The following RBMS1 variants were observed in gnomAD, a reference collection of about 807,000 sequenced individuals.
The protein encoded by RBMS1 is RNA-binding motif, single-stranded-interacting protein 1.
RBMS1 carries 17 observed loss-of-function variants against 62.3 expected under a neutral mutation model. The observed-to-expected ratio is 0.27, with a 90% confidence interval of 0.19 to 0.41. RBMS1 has a LOEUF of 0.41. RBMS1 is among the 10% of genes least tolerant of loss of function. RBMS1 has a pLI of 1.00. For missense variants in RBMS1, 334 were observed against 504.5 expected, an observed-to-expected ratio of 0.66 and a Z score of 3.24; for synonymous variants, 172 against 170.0, an observed-to-expected ratio of 1.01 and a Z score of -0.09.
intron 10 of RBMS1, among the ~76,000 whole-genome samples, chr2:160,280,821 A>C (rs1188108378): frequency 6.6e-6 from 1 of 152,222 alleles, no homozygotes; most frequent in Non-Finnish European, 1.5e-5. Context: ...TCAATTTAAA[A>C]AAATGTAATA....
rs71297446 is a variant in RBMS1 at position 160,311,224 on chromosome 2, C to CCATATATATATATATATATA, written c.402+1931_402+1932insTATATATATATATATATATG. The stretch of plus-strand genomic sequence containing the variant: ...AAAAAAAAAAAATCTATCTATCTAT[C>CCATATATATATATATATATA]TATCTATCTATATATATATATATAT... On this transcript the variant is annotated intron_variant, in intron 4 of 13. Transcript: ENST00000348849. 1.4e-3 allele frequency among the ~76,000 whole-genome samples: 77 copies of CCATATATATATATATATATA among 56,530 alleles called. 1 individual carries two copies. Among genetic ancestry groups the CCATATATATATATATATATA allele is most frequent in the Middle Eastern group, 8.9e-3 (1 of 112 alleles). 37.1% of individuals were successfully genotyped at this position (56,530 alleles called of 152,430 possible). A position where few individuals can be genotyped will look rare whatever the true frequency, so the allele number is the denominator to read the frequency against.
chr2:160,393,577 A>C (rs769066228), intron 1 of RBMS1, among the ~76,000 whole-genome samples: 1 of 152,150 alleles, frequency 6.6e-6, no homozygotes, highest in Non-Finnish European at 1.5e-5. Context: ...CGGGAGTTTG[A>C]GACCAGCCTG....
In RBMS1 at chr2:160,273,864, C is replaced by T. The variant is rs578115428; in HGVS notation, c.*908G>A. ...TCAAACTATCAGAGGAAACTGTTGG[C>T]GTACAGCCTTACAAACAATTTACCC... is the stretch of plus-strand genomic sequence containing the variant. On this transcript the variant is annotated 3_prime_UTR_variant, in exon 14 of 14. Coordinates refer to ENST00000348849, the MANE Select transcript of RBMS1 (RefSeq NM_016836.4). 2.6e-5 allele frequency: 4 copies of T among 152,302 alleles called. No homozygotes were observed. Among genetic ancestry groups the T allele is most frequent in the South Asian group, 4.1e-4 (2 of 4,828 alleles). 9.4% of individuals were successfully genotyped at this position (152,302 alleles called of 1,614,324 possible).
intron 1 of RBMS1, among the ~76,000 whole-genome samples, chr2:160,457,527 A>G (rs1684291331): frequency 6.6e-6 from 1 of 152,242 alleles, no homozygotes; most frequent in Non-Finnish European, 1.5e-5. Flanking sequence ...ACTGCCATAA[A>G]TGGTGTGGGA....
intron 12 of RBMS1, among the ~76,000 whole-genome samples, chr2:160,276,365 C>CCACCAA (rs1251404377): frequency 4.6e-5 from 7 of 151,340 alleles, no homozygotes; most frequent in African/African-American, 1.7e-4. Flanking sequence ...ACCACCACCA[C>CCACCAA]CACCAACACC....
At chr2:160,407,711 G>T in intron 1 of RBMS1, 1 of 981,470 alleles carries the variant, frequency 1.0e-6, no homozygotes, top group South Asian at 4.6e-5. Context: ...CTTCCCCTCC[G>T]CCTTCGACCT....
rs982983151 is a variant in RBMS1, at chr2:160,286,894, T to C, written c.756+75A>G. On this transcript the variant is annotated intron_variant, in intron 7 of 13. Coordinates refer to ENST00000348849, the MANE Select transcript of RBMS1 (RefSeq NM_016836.4). ...TGTGCAGCCAAGTCAAGATGCCTTT[T>C]TGTGTTACTTTTCATGTGGGCATTC... is the stretch of plus-strand genomic sequence containing the variant. The C allele has an allele frequency of 4.4e-6, 7 of 1,602,830 alleles. No homozygotes were observed. In the African/African-American group the frequency reaches 5.4e-5, roughly 12 times the overall value.
chr2:160,276,987 C>G (rs1687868979), intron 12 of RBMS1, among the ~76,000 whole-genome samples: 1 of 152,166 alleles, frequency 6.6e-6, no homozygotes, highest in South Asian at 2.1e-4. Context: ...AAGGGTTCTT[C>G]CTGCCTCATA....
At chr2:160,316,310 C>T (rs1223273404) in intron 3 of RBMS1, among the ~76,000 whole-genome samples, 3 of 152,164 alleles carry the variant, frequency 2.0e-5, no homozygotes, top group African/African-American at 7.2e-5. Context: ...TCTGTTGACA[C>T]CTATTGCTGG....
intron 6 of RBMS1, among the ~76,000 whole-genome samples, chr2:160,297,583 A>G (rs1362788325): frequency 6.6e-6 from 1 of 152,260 alleles, no homozygotes; most frequent in Admixed American, 6.5e-5. Flanking sequence ...GTTAAGTGCC[A>G]CAGCACACAC....
intron 3 of RBMS1, among the ~76,000 whole-genome samples, chr2:160,315,008 A>G (rs12476401): frequency 0.55 from 84,038 of 152,016 alleles, 23,786 homozygotes; most frequent in Admixed American, 0.66. Flanking sequence ...ACTGATGGAT[A>G]TTTAAGTTTT....
intron 6 of RBMS1, 112 bp from the exon 7 acceptor site, chr2:160,287,196 A>G: frequency 1.4e-6 from 2 of 1,408,902 alleles, no homozygotes; most frequent in Non-Finnish European, 1.9e-6. Flanking sequence ...TTCATACAAC[A>G]CTTTAAGGCA....
intron 1 of RBMS1, among the ~76,000 whole-genome samples, chr2:160,411,627 C>T (rs947145980): frequency 6.6e-6 from 1 of 152,234 alleles, no homozygotes; most frequent in Non-Finnish European, 1.5e-5. Context: ...CCCACTTGTG[C>T]TCTGGGCAAG....
At chr2:160,445,650 G>T (rs1404297701) in intron 1 of RBMS1, among the ~76,000 whole-genome samples, 1 of 152,224 alleles carries the variant, frequency 6.6e-6, no homozygotes, top group Non-Finnish European at 1.5e-5. Context: ...GGCCTTCAGA[G>T]TAGCCACAAT....
chr2:160,448,688 GA>G (rs1683785582), intron 1 of RBMS1, among the ~76,000 whole-genome samples: 2 of 152,220 alleles, frequency 1.3e-5, no homozygotes, highest in Non-Finnish European at 2.9e-5. Context: ...CCAAAGTGCC[GA>G]GATTGCAGCC....
In RBMS1 at chr2:160,353,275, G is replaced by T. The variant is rs563786353; in HGVS notation, c.251+13941C>A. Among the ~76,000 whole-genome samples, 5 of 152,064 alleles carry T rather than the reference G, an allele frequency of 3.3e-5. No individual in the cohort carries two copies. The South Asian group carries it at 1.0e-3, about 32-fold the overall frequency. Reference sequence around the variant, plus strand: ...CATTTTTTTAAAACTACACTTGCTGGACTAGTTCTCTTAAACATGTCAGGA... The same window carrying T: ...CATTTTTTTAAAACTACACTTGCTGTACTAGTTCTCTTAAACATGTCAGGA... On this transcript the variant is annotated intron_variant, in intron 2 of 13. Transcript: ENST00000348849.
At chr2:160,469,551 A>G (rs1454372950) in intron 1 of RBMS1, among the ~76,000 whole-genome samples, 1 of 152,148 alleles carries the variant, frequency 6.6e-6, no homozygotes, top group Non-Finnish European at 1.5e-5. Flanking sequence ...ATCACTATCC[A>G]ACGCTTTCTA....
intron 1 of RBMS1, among the ~76,000 whole-genome samples, chr2:160,446,988 G>A (rs1449333463): frequency 1.3e-5 from 2 of 152,222 alleles, no homozygotes; most frequent in African/African-American, 4.8e-5. Context: ...CCTTCTTCAT[G>A]TAACTAATGC....
chr2:160,286,326 T>A (rs1688392004), intron 7 of RBMS1, among the ~76,000 whole-genome samples: 3 of 132,152 alleles, frequency 2.3e-5, no homozygotes, highest in Admixed American at 7.3e-5. Context: ...TTTTATTTTG[T>A]TTTTTTTTTT....
Sources: gnomAD v4.1 joint callset for allele counts (sites outside exome capture counted in the v4.1 genomes callset) on GRCh38, gnomAD v4.1.1 for gene constraint, MANE v1.5 for transcripts, NCBI Gene and HGNC (gene_info 2026-07-23, HGNC 2026-07-21) for gene names.